The following MYH15 variants were observed in gnomAD, a reference collection of about 807,000 sequenced individuals.
The protein encoded by MYH15 is myosin-15.
Under a neutral mutation model 240.5 loss-of-function variants are expected in MYH15, and 227 were observed. That is an observed-to-expected ratio of 0.94 (90% CI 0.85 to 1.05). MYH15 has a LOEUF of 1.05. Ranked by LOEUF, MYH15 falls within the 50% of genes least tolerant of loss-of-function variation. The pLI, the probability that MYH15 is intolerant of heterozygous loss-of-function variation, is 0.00. For synonymous variants in MYH15, 785 were observed against 796.7 expected, an observed-to-expected ratio of 0.99 and a Z score of 0.25; for missense variants, 2,217 against 2,247.5, an observed-to-expected ratio of 0.99 and a Z score of 0.27.
intron 1 of MYH15, among the ~76,000 whole-genome samples, chr3:108,525,383 T>C (rs181327818): frequency 6.6e-6 from 1 of 152,282 alleles, no homozygotes; most frequent in Admixed American, 6.5e-5. Context: ...AATAATCTTC[T>C]GTAGCTACAT....
chr3:108,400,907 C>T (rs1323698309), intron 33 of MYH15, among the ~76,000 whole-genome samples: 1 of 152,124 alleles, frequency 6.6e-6, no homozygotes, highest in Non-Finnish European at 1.5e-5. Flanking sequence ...TTCGTGACCC[C>T]CATTCTGCCC....
At chr3:108,507,874 A>C (rs1250609977) in intron 1 of MYH15, among the ~76,000 whole-genome samples, 1 of 152,178 alleles carries the variant, frequency 6.6e-6, no homozygotes, top group Non-Finnish European at 1.5e-5. Flanking sequence ...TGTTTTTGAA[A>C]AGCACCCAGT....
chr3:108,457,286 G>C (rs1427566286), intron 18 of MYH15, among the ~76,000 whole-genome samples: 2 of 152,166 alleles, frequency 1.3e-5, no homozygotes, highest in Non-Finnish European at 2.9e-5. Flanking sequence ...CGTGCAGGAG[G>C]GGGAAGGGAT....
intron 32 of MYH15, among the ~76,000 whole-genome samples, chr3:108,406,538 A>G (rs902970407): frequency 5.3e-5 from 8 of 152,352 alleles, no homozygotes; most frequent in Non-Finnish European, 1.0e-4. Context: ...CTTCAAGAGG[A>G]AACTGTCACC....
chr3:108,453,234 T>G (rs1394014188), intron 21 of MYH15, among the ~76,000 whole-genome samples: 1 of 152,166 alleles, frequency 6.6e-6, no homozygotes, highest in Non-Finnish European at 1.5e-5. Flanking sequence ...GACCACTATA[T>G]GAGAGTCACA....
chr3:108,441,176 G>C lies in MYH15; in HGVS notation c.2740C>G (p.Leu914Val). ...KIQLEARVKE[L>V]SERVEEEEEI... Reference sequence around the variant, plus strand: ...TCTTCTTCCTCCACCCTCTCCGACAGCTCCTTTACTCTGGCCTCCAGCTGG... The same window carrying C: ...TCTTCTTCCTCCACCCTCTCCGACACCTCCTTTACTCTGGCCTCCAGCTGG... The change falls in exon 23 of 41, where the codon CTG (leucine) becomes GTG (valine). Residue 914 changes from leucine to valine, a missense_variant. Coordinates refer to ENST00000693548, the MANE Select transcript of MYH15 (RefSeq NM_014981.3). The C allele has an allele frequency of 6.2e-7, 1 of 1,614,060 alleles. No homozygotes were observed. Among genetic ancestry groups the C allele is most frequent in the South Asian group, 1.1e-5 (1 of 91,068 alleles).
intron 21 of MYH15, among the ~76,000 whole-genome samples, chr3:108,446,366 A>T (rs772410187): frequency 1.1e-4 from 17 of 152,186 alleles, no homozygotes; most frequent in Non-Finnish European, 2.2e-4. Flanking sequence ...CCAGGCCATC[A>T]TGCCCCAAGA....
intron 25 of MYH15, among the ~76,000 whole-genome samples, chr3:108,432,141 C>T (rs2082784298): frequency 6.6e-6 from 1 of 152,166 alleles, no homozygotes; most frequent in African/African-American, 2.4e-5. Context: ...TCACTGCAAC[C>T]TCCACCTCCC....
chr3:108,546,598 T>C, the MYH15 span, among the ~76,000 whole-genome samples: 1 of 152,170 alleles, frequency 6.6e-6, no homozygotes, highest in African/African-American at 2.4e-5. Context: ...TTATCCATCA[T>C]ATTTTGAGAT....
intron 36 of MYH15, 87 bp from the exon 37 acceptor site, chr3:108,392,017 C>A: frequency 7.0e-7 from 1 of 1,418,822 alleles, no homozygotes. Flanking sequence ...CCTGGTCTGA[C>A]TGGCTGCCAC....
At chr3:108,498,329 G>T (rs544085982) in intron 5 of MYH15, among the ~76,000 whole-genome samples, 184 bp from the exon 6 acceptor site, 5 of 152,200 alleles carry the variant, frequency 3.3e-5, no homozygotes, top group African/African-American at 1.2e-4. Flanking sequence ...GACATTTCAG[G>T]CTGGAAAAAC....
chr3:108,486,740 C>T (rs1325404849), intron 9 of MYH15, among the ~76,000 whole-genome samples: 1 of 152,042 alleles, frequency 6.6e-6, no homozygotes, highest in Non-Finnish European at 1.5e-5. Context: ...AGAAGACAGG[C>T]TGGCAAATTC....
chr3:108,439,970 A>AGGCTATTGGCCT, intron 23 of MYH15, 57 bp from the exon 24 acceptor site: 3 of 1,416,296 alleles, frequency 2.1e-6, no homozygotes, highest in Non-Finnish European at 2.8e-6. Flanking sequence ...TGGGCATAAC[A>AGGCTATTGGCCT]CTGAGGGTCA....
intron 13 of MYH15, 88 bp downstream of exon 13, chr3:108,470,610 G>A (rs1287226019): frequency 2.8e-5 from 39 of 1,413,244 alleles, no homozygotes; most frequent in African/African-American, 5.7e-5. Context: ...TGATCCCCAT[G>A]CTTTGACCAT....
At chr3:108,388,909 G>A (rs2082402510) in intron 38 of MYH15, 61 bp downstream of exon 38, 1 of 1,446,306 alleles carries the variant, frequency 6.9e-7, no homozygotes, top group Non-Finnish European at 9.6e-7. Context: ...CAGGCTTGAA[G>A]GAGTACTTTT....
At chr3:108,484,951 A>C (rs1335185991) in intron 11 of MYH15, 140 bp downstream of exon 11, 4 of 849,044 alleles carry the variant, frequency 4.7e-6, no homozygotes, top group Non-Finnish European at 7.2e-6. Context: ...AGTTGACAGA[A>C]CCGTTTTTGA....
At chr3:108,451,816 A>G (rs990042138) in intron 21 of MYH15, among the ~76,000 whole-genome samples, 4 of 152,174 alleles carry the variant, frequency 2.6e-5, no homozygotes, top group African/African-American at 9.6e-5. Context: ...TAACCAAAGT[A>G]AGTTTAACAT....
intron 21 of MYH15, among the ~76,000 whole-genome samples, chr3:108,451,400 A>C (rs1255123523): frequency 6.6e-6 from 1 of 152,134 alleles, no homozygotes; most frequent in East Asian, 1.9e-4. Context: ...ATAAAATAAA[A>C]AATAAAATAA....
At chr3:108,430,067 C>A (rs2082765685) in intron 26 of MYH15, among the ~76,000 whole-genome samples, 1 of 152,082 alleles carries the variant, frequency 6.6e-6, no homozygotes, top group African/African-American at 2.4e-5. Flanking sequence ...TGAAGACAAG[C>A]CCAATGAATA....
Sources: allele counts gnomAD v4.1 joint callset (sites outside exome capture counted in the v4.1 genomes callset), GRCh38; gene constraint gnomAD v4.1.1; transcripts MANE v1.5; gene names NCBI Gene and HGNC (gene_info 2026-07-23, HGNC 2026-07-21).